Variants in PCLO observed in about 807,000 individuals in gnomAD.
PCLO encodes the protein piccolo presynaptic cytomatrix protein.
A neutral mutation model predicts 427.5 loss-of-function variants in PCLO; 82 were observed. The observed-to-expected ratio is 0.19, with a 90% CI of 0.16 to 0.23. PCLO has a LOEUF of 0.23. PCLO is among the 10% of genes least tolerant of loss of function. The probability of loss-of-function intolerance (pLI) is 1.00; values close to 1 mark genes in which losing one functional copy is unlikely to be tolerated. For synonymous variants in PCLO, 2,357 were observed against 2,155.4 expected, an observed-to-expected ratio of 1.09 and a Z score of -2.59; for missense variants, 6,239 against 6,115.9, an observed-to-expected ratio of 1.02 and a Z score of -0.67.
rs765976840 is a variant in PCLO, at chr7:83,155,483, A to G, written c.1158T>C (p.Pro386=). 2 of 1,612,954 alleles carry G rather than the reference A, an allele frequency of 1.2e-6. No homozygotes were observed. Among genetic ancestry groups the G allele is most frequent in the Non-Finnish European group, 1.7e-6 (2 of 1,179,398 alleles). Residue 386 remains proline, a synonymous_variant, in exon 2 of 25, where the codon CCT becomes CCC. Coordinates refer to ENST00000333891, the MANE Select transcript of PCLO (RefSeq NM_033026.6). ...TGSEKPSSEQ[P]GPKALAQPPG... is the part of the protein sequence containing the mutation. ...GAGGCTGAGCTAAAGCCTTTGGCCC[A>G]GGCTGCTCCGATGAAGGCTTCTCTG...
At chr7:82,897,017 A>G (rs1016913232) in intron 9 of PCLO, among the ~76,000 whole-genome samples, 17 of 151,840 alleles carry the variant, frequency 1.1e-4, no homozygotes, top group Admixed American at 8.5e-4. Context: ...GGAGTTTTAA[A>G]TAAGAAAAAA....
chr7:83,147,105 T>G (rs1792014892), intron 2 of PCLO, among the ~76,000 whole-genome samples: 1 of 151,390 alleles, frequency 6.6e-6, no homozygotes, highest in Non-Finnish European at 1.5e-5. Flanking sequence ...TGATTAAACT[T>G]ATGTATGTAT....
intron 8 of PCLO, among the ~76,000 whole-genome samples, chr7:82,903,709 T>C (rs1794115250): frequency 6.6e-6 from 1 of 151,964 alleles, no homozygotes. Context: ...AGGAAAATTT[T>C]TGACTTAAAT....
Position 82,965,992 on chromosome 7 carries a change from T to G in PCLO, c.3796A>C (p.Lys1266Gln), listed in dbSNP as rs1343676096. The change falls in exon 4 of 25, where the codon AAA becomes CAA. Residue 1266 changes from lysine (K) to glutamine (Q), a missense_variant. Coordinates refer to ENST00000333891, the MANE Select transcript of PCLO (RefSeq NM_033026.6). ...TCTTCAGCAATTTGTACTTGAGATT[T>G]AAGTAAGTCATGTTTCTGTTCTTCT... ...APEEQKHDLL[K>Q]SQVQIAEEKL... 8 of 1,613,692 alleles carry G rather than the reference T, an allele frequency of 5.0e-6. No homozygotes were observed. Among genetic ancestry groups the G allele is most frequent in the Non-Finnish European group, 6.8e-6 (8 of 1,179,852 alleles).
chr7:82,836,682 G>A (rs1322469919), intron 15 of PCLO, among the ~76,000 whole-genome samples: 1 of 152,008 alleles, frequency 6.6e-6, no homozygotes, highest in Non-Finnish European at 1.5e-5. Context: ...TATTTTCTGA[G>A]TATTATCTAA....
At chr7:82,937,068 T>C (rs138923159) in intron 6 of PCLO, among the ~76,000 whole-genome samples, 27 of 151,728 alleles carry the variant, frequency 1.8e-4, no homozygotes, top group African/African-American at 6.3e-4. Flanking sequence ...TAGAACTAGA[T>C]AGAGGTAGTG....
intron 2 of PCLO, among the ~76,000 whole-genome samples, chr7:83,141,851 T>C (rs1383052408): frequency 6.6e-6 from 1 of 152,192 alleles, no homozygotes; most frequent in Non-Finnish European, 1.5e-5. Context: ...AAGCTATTGA[T>C]TACCAAAAAA....
chr7:83,031,290 T>G (rs1446747844), intron 3 of PCLO, among the ~76,000 whole-genome samples: 1 of 152,184 alleles, frequency 6.6e-6, no homozygotes, highest in African/African-American at 2.4e-5. Flanking sequence ...ACCACACTAT[T>G]AGAAATAGGC....
chr7:83,027,341 A>T (rs1788529129), intron 3 of PCLO, among the ~76,000 whole-genome samples: 1 of 152,090 alleles, frequency 6.6e-6, no homozygotes, highest in South Asian at 2.1e-4. Flanking sequence ...TACGCAAATA[A>T]TCTAGAAAAT....
intron 22 of PCLO, among the ~76,000 whole-genome samples, chr7:82,764,444 A>C (rs1480204780): frequency 6.6e-6 from 1 of 151,956 alleles, no homozygotes; most frequent in Non-Finnish European, 1.5e-5. Flanking sequence ...GAGATTAAGC[A>C]TATCTATTAT....
At chr7:83,093,448 C>A (rs1170562786) in intron 3 of PCLO, among the ~76,000 whole-genome samples, 2 of 133,854 alleles carry the variant, frequency 1.5e-5, no homozygotes, top group Non-Finnish European at 3.1e-5. Flanking sequence ...ATTTTATCAA[C>A]CACAAACATA....
chr7:82,976,770 A>C (rs1211793655), intron 3 of PCLO, among the ~76,000 whole-genome samples: 1 of 152,244 alleles, frequency 6.6e-6, no homozygotes, highest in African/African-American at 2.4e-5. Flanking sequence ...GTGACATGTC[A>C]GATGACTGGT....
chr7:82,846,231 A>G (rs1210364394), intron 12 of PCLO, among the ~76,000 whole-genome samples: 3 of 152,130 alleles, frequency 2.0e-5, no homozygotes, highest in African/African-American at 7.2e-5. Flanking sequence ...AAAATTATGT[A>G]AAACCAAAAT....
intron 22 of PCLO, among the ~76,000 whole-genome samples, chr7:82,764,354 A>G (rs1048347201): frequency 6.6e-6 from 1 of 151,914 alleles, no homozygotes; most frequent in Non-Finnish European, 1.5e-5. Context: ...AAAGAAAATT[A>G]AAAAACCCAG....
At chr7:83,050,918 C>CA (rs907119342) in intron 3 of PCLO, among the ~76,000 whole-genome samples, 98 of 150,258 alleles carry the variant, frequency 6.5e-4, no homozygotes, top group Non-Finnish European at 1.2e-3. Flanking sequence ...TCTCTCTCTC[C>CA]AAAAAAAAAT....
chr7:83,135,763 A>G, intron 2 of PCLO, 107 bp from the exon 3 acceptor site: 1 of 631,262 alleles, frequency 1.6e-6, no homozygotes, highest in Non-Finnish European at 2.7e-6. Context: ...CATCATTCAA[A>G]GCAGAAAATA....
At chr7:83,128,636 G>A (rs2116593197) in intron 3 of PCLO, among the ~76,000 whole-genome samples, 1 of 152,164 alleles carries the variant, frequency 6.6e-6, no homozygotes, top group East Asian at 1.9e-4. Context: ...AAAGATAGAA[G>A]CAAAGACTTC....
At chr7:82,938,972 A>C (rs1472597832) in intron 6 of PCLO, among the ~76,000 whole-genome samples, 2 of 152,032 alleles carry the variant, frequency 1.3e-5, no homozygotes, top group East Asian at 3.9e-4. Context: ...CGTAAATGTA[A>C]ATTAAAAATA....
At chr7:82,840,287 A>C (rs2115773017) in intron 14 of PCLO, among the ~76,000 whole-genome samples, 1 of 152,118 alleles carries the variant, frequency 6.6e-6, no homozygotes, top group Admixed American at 6.6e-5. Flanking sequence ...TGTTCTTAGT[A>C]ACGTGTCAAC....
Sources: gnomAD v4.1 joint callset for allele counts (sites outside exome capture counted in the v4.1 genomes callset) on GRCh38, gnomAD v4.1.1 for gene constraint, MANE v1.5 for transcripts, NCBI Gene and HGNC (gene_info 2026-07-23, HGNC 2026-07-21) for gene names.